The following ZNF891 variants were observed in gnomAD, a reference collection of about 807,000 sequenced individuals.
ZNF891 encodes zinc finger protein 891.
For synonymous variants in ZNF891, 199 were observed against 209.0 expected, an observed-to-expected ratio of 0.95 and a Z score of 0.41; for missense variants, 589 against 632.7, an observed-to-expected ratio of 0.93 and a Z score of 0.74.
Position 133,105,773 on chromosome 12 carries a change from T to C in ZNF891, c.*14511A>G, listed in dbSNP as rs1955569334. 6.8e-6 allele frequency: 11 copies of C among 1,614,078 alleles called. No homozygotes were observed. The highest frequency in any genetic ancestry group is 9.3e-6 in the Non-Finnish European group (11 of 1,180,050). On this transcript the variant is annotated 3_prime_UTR_variant, in exon 2 of 2. Transcript: ENST00000537226. Reference sequence around the variant, plus strand: ...GGAGAGGCCCTATGGATGCCATGAATGTGGAAAAACTTTTGGTCGACGCTT... The same window carrying C: ...GGAGAGGCCCTATGGATGCCATGAACGTGGAAAAACTTTTGGTCGACGCTT...
In ZNF891 at chr12:133,119,791, C is replaced by T. The variant is rs950183523; in HGVS notation, c.*493G>A. ...AGGACAAGATAGATAGTTCTGATCCCAGTGATATGTCTATTTTTGAATCAG... is the reference window on the plus strand; with the variant it reads ...AGGACAAGATAGATAGTTCTGATCCTAGTGATATGTCTATTTTTGAATCAG... On this transcript the variant is annotated 3_prime_UTR_variant, in exon 2 of 2. Coordinates refer to ENST00000537226, the MANE Select transcript of ZNF891 (RefSeq NM_001277291.2). 1.3e-5 allele frequency: 2 copies of T among 155,340 alleles called. No homozygotes were observed. Among genetic ancestry groups the T allele is most frequent in the African/African-American group, 4.8e-5 (2 of 41,446 alleles). 9.6% of individuals were successfully genotyped at this position (155,340 alleles called of 1,614,324 possible).
chr12:133,127,088 G>A (rs1008914726), intron 1 of ZNF891, among the ~76,000 whole-genome samples: 4 of 144,380 alleles, frequency 2.8e-5, no homozygotes, highest in Admixed American at 7.3e-5. Context: ...CTCAGCCTCC[G>A]AAGTAGCTGG....
In ZNF891 at chr12:133,120,846, T is replaced by C. The variant is rs567996662; in HGVS notation, c.1073A>G (p.Asn358Ser). The C allele has an allele frequency of 2.3e-4, 351 of 1,551,476 alleles. 7 individuals are homozygous for C. In the South Asian group the frequency reaches 3.6e-3, roughly 16 times the overall value. ...YECKECGKVF[N>S]DSSTLRRHVR... ...ATGTCTCCTTAAGGTTGAGGAATCA[T>C]TGAACACTTTACCACATTCTTTACA... The change falls in exon 2 of 2, where the codon AAT (asparagine) becomes AGT (serine). Residue 358 changes from asparagine to serine, a missense_variant. Coordinates refer to ENST00000537226, the MANE Select transcript of ZNF891 (RefSeq NM_001277291.2).
At chr12:133,125,464 G>A (rs1955805610) in intron 1 of ZNF891, 1 of 155,990 alleles carries the variant, frequency 6.4e-6, no homozygotes. Flanking sequence ...AGAACAATGG[G>A]GCCTTTTTCA....
chr12:133,122,111 C>G, intron 1 of ZNF891, 87 bp from the exon 2 acceptor site: 1 of 1,362,638 alleles, frequency 7.3e-7, no homozygotes, highest in Non-Finnish European at 9.5e-7. Flanking sequence ...AATTGTAGAC[C>G]CTCCCCATTA....
chr12:133,120,401 A>G lies in ZNF891; in HGVS notation c.1518T>C (p.His506=). ...AFSVSSSLRR[H]VRIHTGEKPY... is the part of the protein sequence containing the mutation. ...GTTTCTCTCCAGTGTGAATTCTCAC[A>G]TGCCTCCTAAGGGAAGAGGAAACAC... The change falls in exon 2 of 2, where the codon CAT becomes CAC. Residue 506 remains histidine, a synonymous_variant. Transcript: ENST00000537226. 6.3e-7 allele frequency: 1 copy of G among 1,598,918 alleles called. No individual in the cohort carries two copies. Among genetic ancestry groups the G allele is most frequent in the Non-Finnish European group, 8.5e-7 (1 of 1,173,510 alleles).
At chr12:133,127,394 A>T (rs1450064591) in intron 1 of ZNF891, among the ~76,000 whole-genome samples, 5 of 152,236 alleles carry the variant, frequency 3.3e-5, no homozygotes, top group African/African-American at 1.2e-4. Flanking sequence ...AAGAGATGAT[A>T]AACAGATTAC....
rs776051188 is a variant in ZNF891 at position 133,106,212 on chromosome 12, G to A, written c.*14072C>T. On this transcript the variant is annotated 3_prime_UTR_variant, in exon 2 of 2. Coordinates refer to ENST00000537226, the MANE Select transcript of ZNF891 (RefSeq NM_001277291.2). ...ATTGAATGTGGGAAGGCATTTCGCC[G>A]TTTCTCACACCTTACTCGACATCAG... The A allele has an allele frequency of 1.7e-5, 28 of 1,614,048 alleles. 1 individual carries two copies. The highest frequency in any genetic ancestry group is 8.8e-5 in the South Asian group (8 of 91,090).
Position 133,114,546 on chromosome 12 carries a change from T to C in ZNF891, c.*5738A>G, listed in dbSNP as rs1459124403. On this transcript the variant is annotated 3_prime_UTR_variant, in exon 2 of 2. Transcript: ENST00000537226. The stretch of plus-strand genomic sequence containing the variant: ...GTAAAAGAAAAGGCACAAAATTTGC[T>C]GAAGAACCGTAAATATTTAACTGAA... The C allele has an allele frequency of 6.6e-6, 1 of 152,206 alleles. No homozygotes were observed. The highest frequency in any genetic ancestry group is 1.9e-4 in the East Asian group (1 of 5,196). The allele number at this position is 152,206 out of a possible 1,614,324, so 9.4% of individuals were successfully genotyped here.
chr12:133,120,505 C>T lies in ZNF891; in HGVS notation c.1414G>A (p.Val472Ile), dbSNP rs756441369. The T allele has an allele frequency of 1.3e-6, 2 of 1,584,128 alleles. No homozygotes were observed. Among genetic ancestry groups the T allele is most frequent in the Non-Finnish European group, 1.7e-6 (2 of 1,166,586 alleles). ...CSDCGKVFSG[V>I]SSLRMHIRTH... ...CTTATATGCATTCTAAGGGATGAGA[C>T]CCCACTGAAAACTTTCCCACAGTCA... is the stretch of plus-strand genomic sequence containing the variant. Residue 472 changes from valine to isoleucine, a missense_variant, in exon 2 of 2, where the codon GTC becomes ATC. Val to Ile is a conservative substitution (Grantham distance 29). Transcript: ENST00000537226.
intron 1 of ZNF891, among the ~76,000 whole-genome samples, chr12:133,124,377 G>C (rs531660013): frequency 6.6e-6 from 1 of 151,988 alleles, no homozygotes; most frequent in African/African-American, 2.4e-5. Flanking sequence ...AGAAAAAAGG[G>C]AACAGAAAAG....
Position 133,109,691 on chromosome 12 carries a change from T to C in ZNF891, c.*10593A>G, listed in dbSNP as rs1177825971. ...TAGAGGAAATTTACGGTAGCATTCT[T>C]ATGCTAAAAGAAATAATTTTTCAGG... is the stretch of plus-strand genomic sequence containing the variant. On this transcript the variant is annotated 3_prime_UTR_variant, in exon 2 of 2. Coordinates refer to ENST00000537226, the MANE Select transcript of ZNF891 (RefSeq NM_001277291.2). 6.6e-6 allele frequency: 1 copy of C among 152,160 alleles called. No individual in the cohort carries two copies. Among genetic ancestry groups the C allele is most frequent in the African/African-American group, 2.4e-5 (1 of 41,432 alleles). 9.4% of individuals were successfully genotyped at this position (152,160 alleles called of 1,614,324 possible). A position where few individuals can be genotyped will look rare whatever the true frequency, so the allele number is the denominator to read the frequency against.
intron 1 of ZNF891, among the ~76,000 whole-genome samples, chr12:133,126,249 G>A (rs1031985163): frequency 3.9e-5 from 6 of 152,106 alleles, no homozygotes; most frequent in African/African-American, 1.2e-4. Context: ...GTACTGAGGC[G>A]GGTGGATCAT....
chr12:133,121,807 A>T lies in ZNF891; in HGVS notation c.112T>A (p.Trp38Arg). The T allele has an allele frequency of 6.5e-7, 1 of 1,536,816 alleles. No individual in the cohort carries two copies. The highest frequency in any genetic ancestry group is 8.7e-7 in the Non-Finnish European group (1 of 1,147,014). The change falls in exon 2 of 2, where the codon TGG becomes AGG. Residue 38 changes from tryptophan to arginine, a missense_variant. Coordinates refer to ENST00000537226, the MANE Select transcript of ZNF891 (RefSeq NM_001277291.2). ...ERMIAVFLTT[W>R]LQEPMTFKDV... ...TTGAAAGTCATTGGTTCCTGTAACC[A>T]GGTTGTCAGAAATACAGCAATCATC...
intron 1 of ZNF891, among the ~76,000 whole-genome samples, chr12:133,129,173 C>T (rs1047749489): frequency 6.6e-6 from 1 of 151,962 alleles, no homozygotes; most frequent in Admixed American, 6.6e-5. Context: ...AAACAGAATA[C>T]GAACTAAAAA....
Position 133,106,227 on chromosome 12 carries a change from C to T in ZNF891, c.*14057G>A. On this transcript the variant is annotated 3_prime_UTR_variant, in exon 2 of 2. Coordinates refer to ENST00000537226, the MANE Select transcript of ZNF891 (RefSeq NM_001277291.2). ...GCATTTCGCCGTTTCTCACACCTTA[C>T]TCGACATCAGAGCATCCATACAACC... 6.2e-7 allele frequency: 1 copy of T among 1,614,182 alleles called. No individual in the cohort carries two copies. The highest frequency in any genetic ancestry group is 8.5e-7 in the Non-Finnish European group (1 of 1,180,022).
At position 133,120,205 on chromosome 12, in the gene ZNF891, T is replaced by G; in HGVS notation, c.*79A>C. 8.3e-7 allele frequency: 1 copy of G among 1,209,326 alleles called. No individual in the cohort carries two copies. Among genetic ancestry groups the G allele is most frequent in the Non-Finnish European group, 1.1e-6 (1 of 900,704 alleles). 74.9% of individuals were successfully genotyped at this position (1,209,326 alleles called of 1,614,324 possible). A position where few individuals can be genotyped will look rare whatever the true frequency, so the allele number is the denominator to read the frequency against. On this transcript the variant is annotated 3_prime_UTR_variant, in exon 2 of 2. Coordinates refer to ENST00000537226, the MANE Select transcript of ZNF891 (RefSeq NM_001277291.2). ...GCCATTTGTAACCTTAAATCGTTCT[T>G]TTAGAGAACAAAGACTGAGACAAGG... is the stretch of plus-strand genomic sequence containing the variant.
At position 133,105,422 on chromosome 12, in the gene ZNF891, T is replaced by C; in HGVS notation, c.*14862A>G. ...GCTATTGATAAGATTTTTTGAAACT[T>C]CATTCTGTTGCTAAAGAAGGGAGAA... is the stretch of plus-strand genomic sequence containing the variant. On this transcript the variant is annotated 3_prime_UTR_variant, in exon 2 of 2. Transcript: ENST00000537226. 1 of 1,384,590 alleles carries C rather than the reference T, an allele frequency of 7.2e-7. No homozygotes were observed. Among genetic ancestry groups the C allele is most frequent in the South Asian group, 1.5e-5 (1 of 64,904 alleles). 85.8% of individuals were successfully genotyped at this position (1,384,590 alleles called of 1,614,324 possible).
rs1473159997 is a variant in ZNF891 at position 133,123,714 on chromosome 12, A to C, written c.-106-1690T>G. On this transcript the variant is annotated intron_variant, in intron 1 of 1. Coordinates refer to ENST00000537226, the MANE Select transcript of ZNF891 (RefSeq NM_001277291.2). ...CGGAGTGAAATCCTTTGCTTGAAAA[A>C]AAAAAAACAAAAACACACACAAACA... Among the ~76,000 whole-genome samples, 23 of 148,946 alleles carry C rather than the reference A, an allele frequency of 1.5e-4. No homozygotes were observed. In the Admixed American group the frequency reaches 1.5e-3, roughly 10 times the overall value.
Sources: allele counts gnomAD v4.1 joint callset (sites outside exome capture counted in the v4.1 genomes callset), GRCh38; gene constraint gnomAD v4.1.1; transcripts MANE v1.5; gene names NCBI Gene and HGNC (gene_info 2026-07-23, HGNC 2026-07-21).